MYO1E: variants seen among roughly 807,000 people sequenced by gnomAD.
MYO1E encodes myosin IE.
MYO1E carries 68 observed loss-of-function variants against 151.1 expected under a neutral mutation model. That is an observed-to-expected ratio of 0.45 (90% CI 0.37 to 0.55). The LOEUF (loss-of-function observed/expected upper bound fraction) is 0.55. Among genes scored for constraint, MYO1E ranks in the 20% least tolerant of loss-of-function variants. MYO1E has a pLI of 0.00. For missense variants in MYO1E, 1,363 were observed against 1,389.3 expected (o/e 0.98, Z 0.30); for synonymous variants, 601 against 501.7 (o/e 1.20, Z -2.64).
chr15:59,216,643 A>AGTGTGTGTGTGTGTGTGT (rs1301548766), intron 10 of MYO1E, among the ~76,000 whole-genome samples: 722 of 43,382 alleles, frequency 0.017, 76 homozygotes, highest in African/African-American at 0.037. Context: ...AAGGGCCCCC[A>AGTGTGTGTGTGTGTGTGT]GTGTGTGTGT....
intron 2 of MYO1E, among the ~76,000 whole-genome samples, chr15:59,264,746 T>C (rs2080243286): frequency 6.6e-6 from 1 of 152,204 alleles, no homozygotes; most frequent in African/African-American, 2.4e-5. Flanking sequence ...ACGAGCAGGT[T>C]GTGGTGGCTC....
At chr15:59,362,397 G>A (rs940368612) in intron 1 of MYO1E, among the ~76,000 whole-genome samples, 7 of 152,140 alleles carry the variant, frequency 4.6e-5, no homozygotes, top group Admixed American at 6.5e-5. Context: ...GTTTGTTCTC[G>A]TGATCTGCGG....
chr15:59,314,443 C>T (rs2080573146), intron 1 of MYO1E, among the ~76,000 whole-genome samples: 1 of 152,146 alleles, frequency 6.6e-6, no homozygotes, highest in South Asian at 2.1e-4. Context: ...AGTTGCCTGC[C>T]CTGATTCCCT....
intron 26 of MYO1E, among the ~76,000 whole-genome samples, chr15:59,148,725 C>G (rs1344854571): frequency 6.6e-6 from 1 of 152,186 alleles, no homozygotes; most frequent in African/African-American, 2.4e-5. Flanking sequence ...AAGAGACACA[C>G]AGGCAGCATT....
At chr15:59,248,486 CAAAAAAAAAAA>C (rs71119447) in intron 4 of MYO1E, among the ~76,000 whole-genome samples, 1 of 57,052 alleles carries the variant, frequency 1.8e-5, no homozygotes, top group Admixed American at 2.5e-4. Context: ...GACTCCATCT[CAAAAAAAAAAA>C]AAAAAAAAAA....
At chr15:59,228,373 G>A (rs2080004802) in intron 6 of MYO1E, among the ~76,000 whole-genome samples, 1 of 151,990 alleles carries the variant, frequency 6.6e-6, no homozygotes, top group Non-Finnish European at 1.5e-5. Context: ...GTCCCAGCGA[G>A]GCAGGAGAAT....
At chr15:59,345,160 A>G (rs958355306) in intron 1 of MYO1E, among the ~76,000 whole-genome samples, 1 of 152,148 alleles carries the variant, frequency 6.6e-6, no homozygotes, top group African/African-American at 2.4e-5. Flanking sequence ...CATTGAGCCC[A>G]CTGGAAGCTC....
chr15:59,145,638 C>T (rs554568198), intron 26 of MYO1E, among the ~76,000 whole-genome samples: 100 of 151,758 alleles, frequency 6.6e-4, no homozygotes, highest in Non-Finnish European at 1.3e-3. Context: ...GTGATCCACC[C>T]GCCTTGGCCT....
chr15:59,342,161 C>T (rs1272379634), intron 1 of MYO1E, among the ~76,000 whole-genome samples: 2 of 152,090 alleles, frequency 1.3e-5, no homozygotes, highest in African/African-American at 2.4e-5. Context: ...CACCTGTTTG[C>T]CATTTGTATG....
intron 17 of MYO1E, among the ~76,000 whole-genome samples, chr15:59,191,141 A>T: frequency 6.6e-6 from 1 of 152,120 alleles, no homozygotes; most frequent in East Asian, 1.9e-4. Context: ...TAAGATTATT[A>T]ACTTTCAGAA....
chr15:59,361,040 T>C (rs996395370), intron 1 of MYO1E, among the ~76,000 whole-genome samples: 6 of 152,198 alleles, frequency 3.9e-5, no homozygotes, highest in African/African-American at 1.4e-4. Context: ...CCCTTGCTTT[T>C]CTTGGGAACC....
At chr15:59,338,691 C>T (rs1305007229) in intron 1 of MYO1E, among the ~76,000 whole-genome samples, 11 of 151,934 alleles carry the variant, frequency 7.2e-5, no homozygotes. Flanking sequence ...GCAGGAGGAG[C>T]AAGGTCCTTG....
intron 17 of MYO1E, among the ~76,000 whole-genome samples, chr15:59,193,091 T>TCTAGTTCTTTGCTCTAGATCAGG: frequency 1.6e-5 from 1 of 63,886 alleles, no homozygotes; most frequent in Non-Finnish European, 2.6e-5. Flanking sequence ...TCTAGATCAG[T>TCTAGTTCTTTGCTCTAGATCAGG]GATTCTCAAA....
chr15:59,239,602 T>C (rs1441745549), intron 4 of MYO1E, among the ~76,000 whole-genome samples: 2 of 152,232 alleles, frequency 1.3e-5, no homozygotes, highest in South Asian at 2.1e-4. Flanking sequence ...GTCTCTTTTG[T>C]TGGAAACAAA....
chr15:59,284,772 G>A (rs1247331554), intron 1 of MYO1E, among the ~76,000 whole-genome samples: 3 of 151,916 alleles, frequency 2.0e-5, no homozygotes, highest in South Asian at 2.1e-4. Context: ...ACCGTGCCCA[G>A]CCTGGATGAT....
At chr15:59,203,717 T>C (rs943484414) in intron 15 of MYO1E, among the ~76,000 whole-genome samples, 2 of 152,230 alleles carry the variant, frequency 1.3e-5, no homozygotes, top group Non-Finnish European at 2.9e-5. Context: ...TGCATGTGTT[T>C]ATACGTCTGC....
At chr15:59,206,316 G>A (rs2079833526) in intron 14 of MYO1E, among the ~76,000 whole-genome samples, 1 of 152,206 alleles carries the variant, frequency 6.6e-6, no homozygotes, top group African/African-American at 2.4e-5. Flanking sequence ...ATATGCAGTA[G>A]TATGCTGAGA....
At chr15:59,295,091 C>T (rs2080441216) in intron 1 of MYO1E, among the ~76,000 whole-genome samples, 1 of 152,072 alleles carries the variant, frequency 6.6e-6, no homozygotes, top group Non-Finnish European at 1.5e-5. Context: ...CTCTCCTTGT[C>T]CTAATAAAGA....
At chr15:59,355,939 G>C (rs1379394312) in intron 1 of MYO1E, among the ~76,000 whole-genome samples, 1 of 152,060 alleles carries the variant, frequency 6.6e-6, no homozygotes, top group East Asian at 1.9e-4. Flanking sequence ...GGCTGGTTTC[G>C]AATGCCTGGG....
Sources: allele counts gnomAD v4.1 joint callset (sites outside exome capture counted in the v4.1 genomes callset), GRCh38; gene constraint gnomAD v4.1.1; transcripts MANE v1.5; gene names NCBI Gene and HGNC (gene_info 2026-07-23, HGNC 2026-07-21).